The following TTC29 variants were observed in gnomAD, a reference collection of about 807,000 sequenced individuals.
TTC29 encodes tetratricopeptide repeat protein 29.
TTC29 carries 49 observed loss-of-function variants against 58.1 expected under a neutral mutation model. That is an observed-to-expected ratio of 0.84 (90% CI 0.67 to 1.07). TTC29 has a LOEUF of 1.07. Among genes scored for constraint, TTC29 ranks in the 50% least tolerant of loss-of-function variants. The probability of loss-of-function intolerance (pLI) is 0.00; values close to 1 mark genes in which losing one functional copy is unlikely to be tolerated. For synonymous variants in TTC29, 209 were observed against 196.8 expected (o/e 1.06, Z -0.52); for missense variants, 582 against 555.6 (o/e 1.05, Z -0.48).
chr4:146,840,171 T>TC (rs1323230582), intron 8 of TTC29, among the ~76,000 whole-genome samples: 1 of 149,906 alleles, frequency 6.7e-6, no homozygotes, highest in Admixed American at 6.6e-5. Flanking sequence ...TTTTTATCTT[T>TC]TTTTTTTTTT....
At chr4:146,792,035 A>C (rs146450008) in intron 11 of TTC29, among the ~76,000 whole-genome samples, 1 of 152,352 alleles carries the variant, frequency 6.6e-6, no homozygotes, top group Non-Finnish European at 1.5e-5. Flanking sequence ...ATAACATAAA[A>C]GGGCAAGGTG....
chr4:146,817,468 G>A (rs1751489580), intron 10 of TTC29, among the ~76,000 whole-genome samples: 1 of 152,116 alleles, frequency 6.6e-6, no homozygotes, highest in African/African-American at 2.4e-5. Flanking sequence ...CCATGCTCAT[G>A]GATAGGAAGA....
rs756353850 is a variant in TTC29 at position 146,874,789 on chromosome 4, G to C, written c.726C>G (p.Asp242Glu). Residue 242 changes from aspartate to glutamate, a missense_variant, in exon 7 of 13, where the codon GAC (aspartate) becomes GAG (glutamate). Transcript: ENST00000325106. ...TGTATTCTTTATTTTCTAGCATTTT[G>C]TCTGAGAGTAATCTGTAAGTCCTCA... ...SLLRTYRLLS[D>E]KMLENKEYKQ... The C allele has an allele frequency of 5.0e-6, 8 of 1,611,712 alleles. No homozygotes were observed. Among genetic ancestry groups the C allele is most frequent in the Non-Finnish European group, 6.8e-6 (8 of 1,179,140 alleles).
At chr4:146,807,178 C>A (rs112942453) in intron 10 of TTC29, among the ~76,000 whole-genome samples, 1 of 152,138 alleles carries the variant, frequency 6.6e-6, no homozygotes, top group Admixed American at 6.6e-5. Context: ...TAAATAAGTT[C>A]TTTGAAACCA....
At chr4:146,791,123 A>C (rs1749417514) in intron 11 of TTC29, among the ~76,000 whole-genome samples, 1 of 152,186 alleles carries the variant, frequency 6.6e-6, no homozygotes, top group South Asian at 2.1e-4. Context: ...CAATTTGTGA[A>C]TATAGATTGT....
At position 146,903,607 on chromosome 4, in the gene TTC29, T is replaced by C. The variant is rs769120337; in HGVS notation, c.523A>G (p.Ile175Val). Residue 175 changes from isoleucine (I) to valine (V), a missense_variant, in exon 6 of 13, where the codon ATT (isoleucine) becomes GTT (valine). By Grantham distance (29) the Ile-to-Val change is conservative. Transcript: ENST00000325106. ...TCGGCTTCTTTCTTCCCACAGTCAA[T>C]TTTGATCAGCTGAGCAATCTTAAAA... ...RCFKIAQLIK[I>V]DCGKKEAEAH... 6.2e-7 allele frequency: 1 copy of C among 1,612,886 alleles called. No individual in the cohort carries two copies. Among genetic ancestry groups the C allele is most frequent in the South Asian group, 1.1e-5 (1 of 90,870 alleles).
chr4:146,806,312 A>T (rs1750612260), intron 10 of TTC29, among the ~76,000 whole-genome samples: 1 of 152,234 alleles, frequency 6.6e-6, no homozygotes, highest in Non-Finnish European at 1.5e-5. Context: ...CACTATGAAG[A>T]AACTGCATCA....
chr4:146,886,141 T>G (rs939743668), intron 6 of TTC29, among the ~76,000 whole-genome samples: 1 of 152,174 alleles, frequency 6.6e-6, no homozygotes, highest in Non-Finnish European at 1.5e-5. Context: ...CTGTCTCCTC[T>G]GCTGTAATGT....
chr4:146,905,427 G>GTT (rs929481545), intron 5 of TTC29, among the ~76,000 whole-genome samples: 1 of 142,094 alleles, frequency 7.0e-6, no homozygotes, highest in Non-Finnish European at 1.5e-5. Flanking sequence ...ATTTCATAAG[G>GTT]TTTTTTTTTT....
chr4:146,869,979 A>G (rs978847465), intron 7 of TTC29, among the ~76,000 whole-genome samples: 1 of 152,118 alleles, frequency 6.6e-6, no homozygotes, highest in Non-Finnish European at 1.5e-5. Context: ...GTTTTAGAGG[A>G]CAGAGACATA....
chr4:146,817,170 T>C (rs1227911932), intron 10 of TTC29, among the ~76,000 whole-genome samples: 4 of 152,204 alleles, frequency 2.6e-5, no homozygotes, highest in African/African-American at 9.7e-5. Context: ...CATGATTGTA[T>C]ACCTAGAAAA....
intron 11 of TTC29, among the ~76,000 whole-genome samples, chr4:146,741,587 C>T (rs568349473): frequency 2.6e-5 from 4 of 151,278 alleles, no homozygotes; most frequent in African/African-American, 9.7e-5. Context: ...ATTGCAATAA[C>T]TCTTAACTGG....
chr4:146,860,636 C>A (rs189120541), intron 8 of TTC29, among the ~76,000 whole-genome samples: 3 of 152,092 alleles, frequency 2.0e-5, no homozygotes, highest in Non-Finnish European at 1.5e-5. Flanking sequence ...TGGAACAGCA[C>A]GAGATTTCAT....
intron 9 of TTC29, among the ~76,000 whole-genome samples, chr4:146,829,571 T>C (rs919572686): frequency 6.6e-6 from 1 of 152,204 alleles, no homozygotes; most frequent in Non-Finnish European, 1.5e-5. Flanking sequence ...TGATGTATTT[T>C]TTGGTCATTT....
chr4:146,926,857 G>C (rs1250429599), intron 4 of TTC29, among the ~76,000 whole-genome samples: 1 of 152,078 alleles, frequency 6.6e-6, no homozygotes, highest in Non-Finnish European at 1.5e-5. Context: ...GGCCTAAAAG[G>C]TGAAGAAAAC....
Position 146,803,703 on chromosome 4 carries a change from A to G in TTC29, c.1102-18T>C. Reference sequence around the variant, plus strand: ...TAGTATCCCTAAAAAGGTAAGAGAAATAATTTTCTTTCTTACTTTTAATGT... The same window carrying G: ...TAGTATCCCTAAAAAGGTAAGAGAAGTAATTTTCTTTCTTACTTTTAATGT... On this transcript the variant is annotated intron_variant, in intron 10 of 12. Coordinates refer to ENST00000325106, the MANE Select transcript of TTC29 (RefSeq NM_031956.4). 1 of 1,523,418 alleles carries G rather than the reference A, an allele frequency of 6.6e-7. No homozygotes were observed. Among genetic ancestry groups the G allele is most frequent in the Non-Finnish European group, 8.9e-7 (1 of 1,128,488 alleles). The allele number at this position is 1,523,418 out of a possible 1,614,324, so 94.4% of individuals were successfully genotyped here. A position where few individuals can be genotyped will look rare whatever the true frequency, so the allele number is the denominator to read the frequency against.
chr4:146,814,001 C>T (rs28716833), intron 10 of TTC29, among the ~76,000 whole-genome samples: 64,760 of 151,950 alleles, frequency 0.43, 15,206 homozygotes, highest in African/African-American at 0.61. Flanking sequence ...ACAACAACAA[C>T]GACAAAATGA....
At position 146,754,488 on chromosome 4, in the gene TTC29, A is replaced by G. The variant is rs890439303; in HGVS notation, c.1331-46937T>C. 3.3e-5 allele frequency among the ~76,000 whole-genome samples: 5 copies of G among 152,298 alleles called. No homozygotes were observed. In the East Asian group the frequency reaches 9.6e-4, roughly 29 times the overall value. ...CACAAGAAAAGAAAGCTACAGGCCA[A>G]TTTTTCTGATGAATGTTGATGCAAA... On this transcript the variant is annotated intron_variant, in intron 11 of 12. Coordinates refer to ENST00000325106, the MANE Select transcript of TTC29 (RefSeq NM_031956.4).
At chr4:146,755,439 A>G (rs887886161) in intron 11 of TTC29, among the ~76,000 whole-genome samples, 6 of 152,210 alleles carry the variant, frequency 3.9e-5, no homozygotes, top group Non-Finnish European at 7.4e-5. Context: ...GAAAAACAAA[A>G]TTGGAAGCAT....
Sources: gnomAD v4.1 joint callset for allele counts (sites outside exome capture counted in the v4.1 genomes callset) on GRCh38, gnomAD v4.1.1 for gene constraint, MANE v1.5 for transcripts, NCBI Gene and HGNC (gene_info 2026-07-23, HGNC 2026-07-21) for gene names.